CTNND2: variants seen among roughly 807,000 people sequenced by gnomAD.
CTNND2 encodes catenin delta-2.
Under a neutral mutation model 144.4 loss-of-function variants are expected in CTNND2, and 22 were observed. That is an observed-to-expected ratio of 0.15 (90% CI 0.11 to 0.22). The LOEUF is 0.22. CTNND2 is among the 10% of genes least tolerant of loss of function. CTNND2 has a pLI of 1.00. For synonymous variants in CTNND2, 751 were observed against 695.6 expected (o/e 1.08, Z -1.25); for missense variants, 1,353 against 1,618.8 (o/e 0.84, Z 2.82).
intron 3 of CTNND2, among the ~76,000 whole-genome samples, chr5:11,541,425 A>G (rs1009884847): frequency 6.6e-6 from 1 of 152,190 alleles, no homozygotes; most frequent in Non-Finnish European, 1.5e-5. Context: ...CAATCTCAGG[A>G]AAGTATCACC....
At chr5:11,201,382 C>CAACA (rs371305197) in intron 10 of CTNND2, among the ~76,000 whole-genome samples, 328 of 152,078 alleles carry the variant, frequency 2.2e-3, no homozygotes, top group East Asian at 4.8e-3. Flanking sequence ...TCTTTAAAGA[C>CAACA]AACAAACAAA....
chr5:11,424,701 C>G (rs1053077295), intron 3 of CTNND2, among the ~76,000 whole-genome samples: 1 of 151,936 alleles, frequency 6.6e-6, no homozygotes, highest in African/African-American at 2.4e-5. Flanking sequence ...GGTTTTATAC[C>G]ACTGTGTCTG....
At chr5:11,852,947 G>A (rs531416759) in intron 1 of CTNND2, among the ~76,000 whole-genome samples, 11 of 152,106 alleles carry the variant, frequency 7.2e-5, no homozygotes, top group Non-Finnish European at 1.3e-4. Flanking sequence ...TTACTTGCCT[G>A]TTTCTCTGTG....
At chr5:11,325,801 T>C (rs934747131) in intron 9 of CTNND2, among the ~76,000 whole-genome samples, 1 of 151,804 alleles carries the variant, frequency 6.6e-6, no homozygotes, top group Non-Finnish European at 1.5e-5. Context: ...AGCCACCCGA[T>C]GCTGCCCTTC....
At chr5:11,071,994 G>C (rs1052754555) in intron 16 of CTNND2, among the ~76,000 whole-genome samples, 7 of 152,172 alleles carry the variant, frequency 4.6e-5, no homozygotes, top group Admixed American at 1.3e-4. Flanking sequence ...GATGGTGACT[G>C]GAAAATTAAA....
intron 16 of CTNND2, among the ~76,000 whole-genome samples, chr5:11,054,173 C>T (rs967409635): frequency 6.6e-5 from 10 of 152,180 alleles, no homozygotes; most frequent in South Asian, 2.1e-4. Context: ...AGCAGCAACA[C>T]GGCTACTGCT....
At chr5:11,046,661 T>G (rs1561221244) in intron 16 of CTNND2, among the ~76,000 whole-genome samples, 2 of 152,228 alleles carry the variant, frequency 1.3e-5, no homozygotes, top group African/African-American at 4.8e-5. Context: ...CATTTCACTT[T>G]TAACGCTGTC....
intron 12 of CTNND2, among the ~76,000 whole-genome samples, chr5:11,133,389 G>A (rs2149722147): frequency 6.6e-6 from 1 of 151,734 alleles, no homozygotes; most frequent in African/African-American, 2.4e-5. Context: ...TTTCACTCTT[G>A]TTGCCCAGGC....
chr5:11,029,424 C>T (rs1443432931), intron 16 of CTNND2, among the ~76,000 whole-genome samples: 1 of 152,056 alleles, frequency 6.6e-6, no homozygotes, highest in East Asian at 1.9e-4. Context: ...GTTTTAATTT[C>T]CTTATTTTCT....
chr5:11,378,911 G>A (rs1561303115), intron 7 of CTNND2, among the ~76,000 whole-genome samples: 1 of 152,056 alleles, frequency 6.6e-6, no homozygotes, highest in Non-Finnish European at 1.5e-5. Context: ...TGAATTTTAT[G>A]TCCATTTGAC....
intron 11 of CTNND2, among the ~76,000 whole-genome samples, chr5:11,170,533 A>G (rs1352124076): frequency 6.6e-6 from 1 of 152,150 alleles, no homozygotes; most frequent in Non-Finnish European, 1.5e-5. Context: ...TTTTCTTGCA[A>G]GCATTTAATT....
chr5:11,348,593 C>T (rs1755035942), intron 8 of CTNND2, among the ~76,000 whole-genome samples: 1 of 151,848 alleles, frequency 6.6e-6, no homozygotes, highest in African/African-American at 2.4e-5. Flanking sequence ...AAATCATTTG[C>T]TATTAATGTA....
intron 10 of CTNND2, among the ~76,000 whole-genome samples, chr5:11,212,388 GT>G (rs1738729848): frequency 6.6e-6 from 1 of 152,180 alleles, no homozygotes; most frequent in South Asian, 2.1e-4. Context: ...TGAAAAACTG[GT>G]GACCTATACA....
chr5:11,725,027 T>A (rs1398583579), intron 2 of CTNND2, among the ~76,000 whole-genome samples: 1 of 152,152 alleles, frequency 6.6e-6, no homozygotes, highest in African/African-American at 2.4e-5. Flanking sequence ...TTGTCCTTAG[T>A]GAAAAAGGAG....
intron 2 of CTNND2, among the ~76,000 whole-genome samples, chr5:11,618,675 C>A (rs1355612529): frequency 6.6e-6 from 1 of 152,178 alleles, no homozygotes; most frequent in Non-Finnish European, 1.5e-5. Context: ...ATAATTACCA[C>A]TGCATGGTAC....
chr5:11,792,079 T>C (rs1019206785), intron 1 of CTNND2, among the ~76,000 whole-genome samples: 3 of 152,300 alleles, frequency 2.0e-5, no homozygotes, highest in African/African-American at 7.2e-5. Flanking sequence ...AACCAGAATT[T>C]CTCACCATCA....
At chr5:11,005,038 A>G (rs6878664) in intron 18 of CTNND2, among the ~76,000 whole-genome samples, 34,658 of 152,166 alleles carry the variant, frequency 0.23, 4,261 homozygotes, top group Admixed American at 0.32. Flanking sequence ...GGAAAAGTAC[A>G]GGTTATTGGG....
At chr5:11,240,190 A>AAC (rs141028390) in intron 9 of CTNND2, among the ~76,000 whole-genome samples, 30 of 111,004 alleles carry the variant, frequency 2.7e-4, no homozygotes, top group South Asian at 2.5e-3. Context: ...TCACACACCC[A>AAC]ACACACACAC....
intron 12 of CTNND2, among the ~76,000 whole-genome samples, chr5:11,121,232 G>A (rs748520284): frequency 9.2e-5 from 14 of 152,184 alleles, no homozygotes; most frequent in South Asian, 4.1e-4. Flanking sequence ...ATAACCTTCC[G>A]CGATGCTCAC....
Sources: gnomAD v4.1 joint callset for allele counts (sites outside exome capture counted in the v4.1 genomes callset) on GRCh38, gnomAD v4.1.1 for gene constraint, MANE v1.5 for transcripts, NCBI Gene and HGNC (gene_info 2026-07-23, HGNC 2026-07-21) for gene names.